The following ANKK1 variants were observed in gnomAD, a reference collection of about 807,000 sequenced individuals.
ANKK1 encodes the protein ankyrin repeat and kinase domain containing 1.
Under a neutral mutation model 37.6 loss-of-function variants are expected in ANKK1, and 37 were observed. The ratio of observed to expected loss-of-function variants is 0.98; its 90% CI spans 0.76 to 1.29. The LOEUF (loss-of-function observed/expected upper bound fraction) is 1.29, where lower values mean the gene tolerates loss of function less well. ANKK1 is among the 50% of genes most tolerant of loss of function. The probability of loss-of-function intolerance (pLI) is 0.00; values close to 1 mark genes in which losing one functional copy is unlikely to be tolerated. For missense variants in ANKK1, 1,019 were observed against 990.6 expected (o/e 1.03, Z -0.39); for synonymous variants, 415 against 418.7 (o/e 0.99, Z 0.11).
In ANKK1 at chr11:113,400,067, G is replaced by A. The variant is rs374434021; in HGVS notation, c.2098G>A (p.Ala700Thr). 125 of 1,613,356 alleles carry A rather than the reference G, an allele frequency of 7.7e-5. No homozygotes were observed. Among genetic ancestry groups the A allele is most frequent in the Middle Eastern group, 1.6e-4 (1 of 6,084 alleles). ...GGGCTGGACACCCGCCCACCTGGCC[G>A]CCCTCAAGGGCAACACAGCCATCCT... Reference protein sequence around the residue: ...KVGWTPAHLAALKGNTAILKV... With the variant: ...KVGWTPAHLATLKGNTAILKV... Residue 700 changes from alanine to threonine, a missense_variant, in exon 8 of 8, where the codon GCC becomes ACC. Physicochemically the swap from Ala to Thr is moderately conservative, Grantham distance 58. Coordinates refer to ENST00000303941, the MANE Select transcript of ANKK1 (RefSeq NM_178510.2).
chr11:113,389,526 T>G (rs1591257290), intron 1 of ANKK1, among the ~76,000 whole-genome samples: 1 of 152,172 alleles, frequency 6.6e-6, no homozygotes, highest in Non-Finnish European at 1.5e-5. Context: ...AGGAAGACAT[T>G]AACCAGATAA....
chr11:113,399,756 C>T lies in ANKK1; in HGVS notation c.1787C>T (p.Pro596Leu), dbSNP rs7104979. 1.6e-3 allele frequency: 2,564 copies of T among 1,603,586 alleles called. 14 individuals carry two copies. Among genetic ancestry groups the T allele is most frequent in the African/African-American group, 0.014 (1,074 of 74,814 alleles). The change falls in exon 8 of 8, where the codon CCC (proline) becomes CTC (leucine). Residue 596 changes from proline (P) to leucine (L), a missense_variant. Physicochemically the swap from Pro to Leu is moderately conservative, Grantham distance 98. Coordinates refer to ENST00000303941, the MANE Select transcript of ANKK1 (RefSeq NM_178510.2). ...LELPTHQGWTPLHLAAYKGHL... is the reference protein window; with the variant it reads ...LELPTHQGWTLLHLAAYKGHL... ...CTGCCCACCCACCAGGGCTGGACAC[C>T]CCTGCATCTAGCAGCCTACAAGGGC...
chr11:113,398,147 C>T, intron 7 of ANKK1, 131 bp downstream of exon 7: 1 of 1,058,134 alleles, frequency 9.5e-7, no homozygotes, highest in South Asian at 1.4e-5. Context: ...GTTTAGGTGC[C>T]CTTTTCCAGC....
chr11:113,398,232 A>G (rs1950655232), intron 7 of ANKK1, among the ~76,000 whole-genome samples: 2 of 151,814 alleles, frequency 1.3e-5, no homozygotes, highest in African/African-American at 4.8e-5. Flanking sequence ...TGTCCTTGCA[A>G]GACGGAATTT....
At chr11:113,396,263 G>T (rs1013201895) in intron 5 of ANKK1, 41 bp downstream of exon 5, 1 of 1,606,688 alleles carries the variant, frequency 6.2e-7, no homozygotes, top group South Asian at 1.1e-5. Context: ...TGGGAGCTGG[G>T]TGGGGCCGGG....
At chr11:113,392,689 C>G (rs777468702) in intron 1 of ANKK1, among the ~76,000 whole-genome samples, 3 of 152,224 alleles carry the variant, frequency 2.0e-5, no homozygotes, top group African/African-American at 7.2e-5. Flanking sequence ...TTTTGTAAGG[C>G]CTTCCCTTAA....
intron 4 of ANKK1, 94 bp downstream of exon 4, chr11:113,395,502 G>A: frequency 7.3e-7 from 1 of 1,372,626 alleles, no homozygotes; most frequent in Non-Finnish European, 1.0e-6. Context: ...GTTGGGGGGG[G>A]TCAAGTTGCA....
At chr11:113,390,867 A>G (rs1368822416) in intron 1 of ANKK1, among the ~76,000 whole-genome samples, 1 of 152,214 alleles carries the variant, frequency 6.6e-6, no homozygotes, top group Non-Finnish European at 1.5e-5. Flanking sequence ...ATAAATAGCA[A>G]ATGAATAATA....
At position 113,399,236 on chromosome 11, in the gene ANKK1, C is replaced by T. The variant is rs548499152; in HGVS notation, c.1267C>T (p.Arg423Ter). 8.7e-6 allele frequency: 14 copies of T among 1,607,674 alleles called. No individual in the cohort carries two copies. Among genetic ancestry groups the T allele is most frequent in the African/African-American group, 8.0e-5 (6 of 74,940 alleles). The change falls in exon 8 of 8, where the codon CGA becomes TGA. Residue 423 changes from arginine (R) to a stop codon, truncating the protein, a stop_gained. Coordinates refer to ENST00000303941, the MANE Select transcript of ANKK1 (RefSeq NM_178510.2). LOFTEE classifies it low-confidence loss of function (END_TRUNC). The stretch of plus-strand genomic sequence containing the variant: ...TTTGGCACATGGTGCTGATGCCAAC[C>T]GAGTGGATGAGGATGGCTGGGCCCC... Reference protein sequence around the residue: ...LLLAHGADANRVDEDGWAPLH... With the variant: ...LLLAHGADAN
intron 7 of ANKK1, among the ~76,000 whole-genome samples, chr11:113,398,708 G>A (rs1411941347): frequency 1.3e-5 from 2 of 152,094 alleles, no homozygotes; most frequent in African/African-American, 4.8e-5. Flanking sequence ...ATTTGCACTC[G>A]GGCCTCCTGA....
rs544565569 is a variant in ANKK1 at position 113,392,226 on chromosome 11, C to T, written c.186-1255C>T. Among the ~76,000 whole-genome samples the T allele has an allele frequency of 3.2e-4, 49 of 152,292 alleles. 1 individual carries two copies. In the South Asian group the frequency reaches 7.7e-3, roughly 24 times the overall value. On this transcript the variant is annotated intron_variant, in intron 1 of 7. Coordinates refer to ENST00000303941, the MANE Select transcript of ANKK1 (RefSeq NM_178510.2). ...TTGCCCAAGGTCATACAGATAATAA[C>T]GGGTGAAACTGGGATTTGAAATCAG...
At position 113,399,604 on chromosome 11, in the gene ANKK1, C is replaced by G. The variant is rs1354151354; in HGVS notation, c.1635C>G (p.His545Gln). The change falls in exon 8 of 8, where the codon CAC (histidine) becomes CAG (glutamine). Residue 545 changes from histidine to glutamine, a missense_variant. By Grantham distance (24) the His-to-Gln change is conservative (BLOSUM62 0). Coordinates refer to ENST00000303941, the MANE Select transcript of ANKK1 (RefSeq NM_178510.2). ...GGGGCAAAGTGAGGGCCATCCAACA[C>G]CTGCTGAAGAGTGGAGCGGTCCCTG... ...VERGKVRAIQ[H>Q]LLKSGAVPDA... The G allele has an allele frequency of 1.2e-6, 2 of 1,607,134 alleles. No individual in the cohort carries two copies. Among genetic ancestry groups the G allele is most frequent in the Admixed American group, 3.4e-5 (2 of 59,262 alleles).
In ANKK1 at chr11:113,394,898, C is replaced by T. The variant is rs375895682; in HGVS notation, c.481-31C>T. 105 of 1,601,838 alleles carry T rather than the reference C, an allele frequency of 6.6e-5. 1 individual carries two copies. The African/African-American group carries it at 7.4e-4, about 11-fold the overall frequency. ...GTTTTCTGGTCATGAGGCTCTATCACGGCTTTATCTCTGCCCCTGCCTTCT... is the reference window on the plus strand; with the variant it reads ...GTTTTCTGGTCATGAGGCTCTATCATGGCTTTATCTCTGCCCCTGCCTTCT... On this transcript the variant is annotated intron_variant, in intron 2 of 7. Transcript: ENST00000303941.
intron 3 of ANKK1, 58 bp downstream of exon 3, chr11:113,395,138 C>T: frequency 6.5e-7 from 1 of 1,543,000 alleles, no homozygotes. Context: ...CTGCCACCAC[C>T]CTGCCTGGCC....
At chr11:113,396,341 A>AATT in intron 5 of ANKK1, 119 bp downstream of exon 5, 1 of 1,102,736 alleles carries the variant, frequency 9.1e-7, no homozygotes, top group Non-Finnish European at 1.2e-6. Flanking sequence ...GCCTAGAAGG[A>AATT]CTTTTTTTTT....
At chr11:113,394,605 T>G in intron 2 of ANKK1, 1 of 470,948 alleles carries the variant, frequency 2.1e-6, no homozygotes, top group Non-Finnish European at 4.2e-6. Context: ...AGTCTCTGGA[T>G]AATAACACCT....
At position 113,399,288 on chromosome 11, in the gene ANKK1, A is replaced by T. The variant is rs1273579544; in HGVS notation, c.1319A>T (p.Asp440Val). The change falls in exon 8 of 8, where the codon GAT (aspartate) becomes GTT (valine). Residue 440 changes from aspartate to valine, a missense_variant. Transcript: ENST00000303941. ...CTGCACTTTGCAGCCCAGAATGGGG[A>T]TGACGGCACTGCGCGCCTGCTCCTG... ...APLHFAAQNG[D>V]DGTARLLLDH... The T allele has an allele frequency of 6.2e-7, 1 of 1,604,654 alleles. No individual in the cohort carries two copies.
chr11:113,396,281 A>G, intron 5 of ANKK1, 59 bp downstream of exon 5: 1 of 1,586,816 alleles, frequency 6.3e-7, no homozygotes, highest in Non-Finnish European at 8.6e-7. Flanking sequence ...GGGAGGGGAG[A>G]TGACTGGGCA....
intron 7 of ANKK1, 50 bp from the exon 8 acceptor site, chr11:113,398,914 T>C: frequency 4.0e-6 from 6 of 1,505,960 alleles, no homozygotes; most frequent in Non-Finnish European, 5.4e-6. Context: ...CATGATGACC[T>C]CTGGACGGGT....
Sources: allele counts gnomAD v4.1 joint callset (sites outside exome capture counted in the v4.1 genomes callset), GRCh38; gene constraint gnomAD v4.1.1; transcripts MANE v1.5; gene names NCBI Gene and HGNC (gene_info 2026-07-23, HGNC 2026-07-21).